Variants in KCNH8 observed in about 807,000 individuals in gnomAD.
KCNH8 encodes potassium voltage-gated channel subfamily H member 8, also known as voltage-gated delayed rectifier potassium channel KCNH8.
A neutral mutation model predicts 103.6 loss-of-function variants in KCNH8; 70 were observed. That is an observed-to-expected ratio of 0.68 (90% CI 0.56 to 0.82). The LOEUF (loss-of-function observed/expected upper bound fraction) is 0.82, where lower values mean the gene tolerates loss of function less well. Among genes scored for constraint, KCNH8 ranks in the 40% least tolerant of loss-of-function variants. The pLI, the probability that KCNH8 is intolerant of heterozygous loss-of-function variation, is 0.00. For synonymous variants in KCNH8, 498 were observed against 489.4 expected (o/e 1.02, Z -0.23); for missense variants, 1,217 against 1,329.9 (o/e 0.92, Z 1.32).
At chr3:19,251,634 C>T (rs928420129) in intron 1 of KCNH8, among the ~76,000 whole-genome samples, 3 of 152,094 alleles carry the variant, frequency 2.0e-5, no homozygotes, top group African/African-American at 4.8e-5. Flanking sequence ...CAAGAAGTAG[C>T]TGGAGTACCT....
intron 1 of KCNH8, among the ~76,000 whole-genome samples, chr3:19,207,634 A>T (rs1174889001): frequency 6.6e-6 from 1 of 152,032 alleles, no homozygotes; most frequent in African/African-American, 2.4e-5. Context: ...GACTCTCACG[A>T]ATAGACATTC....
chr3:19,382,716 A>G (rs2066304771), intron 5 of KCNH8, among the ~76,000 whole-genome samples: 1 of 152,114 alleles, frequency 6.6e-6, no homozygotes, highest in Non-Finnish European at 1.5e-5. Context: ...GTGATCCACA[A>G]CCTAGGGAGT....
chr3:19,450,150 C>T lies in KCNH8; in HGVS notation c.1420C>T (p.Gln474Ter). 1 of 1,613,660 alleles carries T rather than the reference C, an allele frequency of 6.2e-7. No individual in the cohort carries two copies. The highest frequency in any genetic ancestry group is 8.5e-7 in the Non-Finnish European group (1 of 1,179,746). ...GTTTGGAAACGTGACAGCAATCATA[C>T]AGAGGATGTACTCCAGATGGTCCCT... ...LVFGNVTAIIQRMYSRWSLYH... is the reference protein window; with the variant it reads ...LVFGNVTAII The change falls in exon 9 of 16, where the codon CAG becomes TAG. Residue 474 changes from glutamine (Q) to a stop codon, truncating the protein, a stop_gained. Coordinates refer to ENST00000328405, the MANE Select transcript of KCNH8 (RefSeq NM_144633.3). LOFTEE classifies it high-confidence loss of function.
At chr3:19,318,380 G>A (rs1489627717) in intron 3 of KCNH8, among the ~76,000 whole-genome samples, 1 of 151,604 alleles carries the variant, frequency 6.6e-6, no homozygotes, top group Non-Finnish European at 1.5e-5. Flanking sequence ...CCTGTCACCA[G>A]AGTAGTATAC....
chr3:19,465,901 C>G (rs2067724897), intron 11 of KCNH8, among the ~76,000 whole-genome samples: 2 of 152,164 alleles, frequency 1.3e-5, no homozygotes, highest in Admixed American at 1.3e-4. Context: ...TATGATAAAA[C>G]TTTAACATAT....
chr3:19,488,713 G>A (rs563991262), intron 11 of KCNH8, among the ~76,000 whole-genome samples: 36 of 152,002 alleles, frequency 2.4e-4, no homozygotes, highest in East Asian at 5.8e-4. Context: ...CTGGTCCCTC[G>A]TTCAGGTCCC....
intron 1 of KCNH8, among the ~76,000 whole-genome samples, chr3:19,233,070 CCA>C (rs927939070): frequency 9.2e-6 from 1 of 108,734 alleles, no homozygotes; most frequent in African/African-American, 3.9e-5. Context: ...CTCCCCCCCC[CCA>C]CCCCACTACA....
chr3:19,269,662 T>C (rs1357987792), intron 2 of KCNH8, among the ~76,000 whole-genome samples: 1 of 151,814 alleles, frequency 6.6e-6, no homozygotes, highest in African/African-American at 2.4e-5. Flanking sequence ...CCATTTCACT[T>C]CTTTAGACTC....
At chr3:19,449,315 T>C in intron 8 of KCNH8, among the ~76,000 whole-genome samples, 1 of 148,288 alleles carries the variant, frequency 6.7e-6, no homozygotes. Context: ...TATATATATA[T>C]ATACCCTGCT....
At chr3:19,240,213 G>C (rs1482602431) in intron 1 of KCNH8, among the ~76,000 whole-genome samples, 2 of 151,780 alleles carry the variant, frequency 1.3e-5, no homozygotes, top group East Asian at 3.9e-4. Context: ...AAGTTTTCTG[G>C]ATTCAGTATT....
At chr3:19,319,172 A>G (rs1183085717) in intron 3 of KCNH8, among the ~76,000 whole-genome samples, 2 of 151,836 alleles carry the variant, frequency 1.3e-5, no homozygotes, top group African/African-American at 4.8e-5. Flanking sequence ...AGTTTCATTA[A>G]GTCCCATCTA....
chr3:19,249,303 G>C (rs1273089494), intron 1 of KCNH8, among the ~76,000 whole-genome samples: 2 of 152,172 alleles, frequency 1.3e-5, no homozygotes, highest in East Asian at 3.9e-4. Context: ...GGGCAAGAGA[G>C]GCTACTCTCC....
intron 2 of KCNH8, among the ~76,000 whole-genome samples, chr3:19,264,939 T>C (rs984218319): frequency 3.3e-5 from 5 of 152,096 alleles, no homozygotes; most frequent in African/African-American, 1.2e-4. Flanking sequence ...TACTAAGTCA[T>C]GCTCATGCAC....
intron 7 of KCNH8, among the ~76,000 whole-genome samples, chr3:19,427,568 A>T (rs189553532): frequency 7.9e-5 from 12 of 152,344 alleles, no homozygotes; most frequent in Middle Eastern, 3.4e-3. Context: ...GACCTATATC[A>T]ATATCTTGCA....
At position 19,217,094 on chromosome 3, in the gene KCNH8, T is replaced by C. The variant is rs12630147; in HGVS notation, c.77-36560T>C. Among the ~76,000 whole-genome samples the C allele has an allele frequency of 3.9e-4, 59 of 152,372 alleles. 1 individual carries two copies. In the East Asian group the frequency reaches 9.6e-3, roughly 25 times the overall value. ...TTGTAAAGATTAAAGGAGGCATTCA[T>C]GTGAAGTCTGAGCGCAGTCCCTTGC... On this transcript the variant is annotated intron_variant, in intron 1 of 15. Coordinates refer to ENST00000328405, the MANE Select transcript of KCNH8 (RefSeq NM_144633.3).
chr3:19,155,347 T>C (rs867383616), intron 1 of KCNH8, among the ~76,000 whole-genome samples: 3 of 152,200 alleles, frequency 2.0e-5, no homozygotes, highest in Non-Finnish European at 4.4e-5. Context: ...TCTTTATTGC[T>C]TCTGTTTTAA....
At chr3:19,353,555 T>C (rs940377265) in intron 5 of KCNH8, among the ~76,000 whole-genome samples, 6 of 152,150 alleles carry the variant, frequency 3.9e-5, no homozygotes, top group South Asian at 2.1e-4. Flanking sequence ...TGGCTTCATC[T>C]CTGGGATGCA....
chr3:19,172,202 C>CA (rs374219218), intron 1 of KCNH8, among the ~76,000 whole-genome samples: 91 of 152,064 alleles, frequency 6.0e-4, no homozygotes, highest in African/African-American at 2.1e-3. Flanking sequence ...GTTGTCTTTG[C>CA]AAAAAAATTG....
intron 5 of KCNH8, among the ~76,000 whole-genome samples, chr3:19,358,251 T>TTC (rs1235851524): frequency 6.9e-6 from 1 of 145,534 alleles, no homozygotes; most frequent in Non-Finnish European, 1.5e-5. Context: ...CTTTCTTTCT[T>TTC]TCTCTCTCTC....
Sources: allele counts gnomAD v4.1 joint callset (sites outside exome capture counted in the v4.1 genomes callset), GRCh38; gene constraint gnomAD v4.1.1; transcripts MANE v1.5; gene names NCBI Gene and HGNC (gene_info 2026-07-23, HGNC 2026-07-21).